Variants in CCDC134 observed in about 807,000 individuals in gnomAD.
CCDC134 encodes the protein coiled-coil domain containing 134.
In CCDC134, 27 loss-of-function variants were observed where a neutral mutation model predicts 25.6. That is an observed-to-expected ratio of 1.05 (90% CI 0.78 to 1.45). The LOEUF (loss-of-function observed/expected upper bound fraction) is 1.45. Ranked by LOEUF, CCDC134 falls within the 40% of genes most tolerant of loss-of-function variation. The pLI, the probability that CCDC134 is intolerant of heterozygous loss-of-function variation, is 0.00. For missense variants in CCDC134, 261 were observed against 286.7 expected (o/e 0.91, Z 0.65); for synonymous variants, 110 against 115.0 (o/e 0.96, Z 0.28).
intron 1 of CCDC134, among the ~76,000 whole-genome samples, chr22:41,807,378 T>G (rs559524972): frequency 6.6e-6 from 1 of 151,886 alleles, no homozygotes; most frequent in Non-Finnish European, 1.5e-5. Flanking sequence ...GCCTGGGCAA[T>G]GTAGCAAAAC....
At chr22:41,824,828 A>G (rs181949528) in intron 6 of CCDC134, among the ~76,000 whole-genome samples, 13 of 152,256 alleles carry the variant, frequency 8.5e-5, no homozygotes, top group Non-Finnish European at 1.9e-4. Context: ...ACCAAAGGGG[A>G]TGTGGAAAGC....
chr22:41,814,722 G>A (rs1009384919), intron 6 of CCDC134, among the ~76,000 whole-genome samples: 9 of 152,142 alleles, frequency 5.9e-5, no homozygotes, highest in Non-Finnish European at 1.2e-4. Context: ...AAGGGTCTAG[G>A]ATTTAATTCT....
intron 1 of CCDC134, among the ~76,000 whole-genome samples, chr22:41,806,042 A>G (rs2076565899): frequency 6.6e-6 from 1 of 152,100 alleles, no homozygotes; most frequent in African/African-American, 2.4e-5. Context: ...AAAATTCTTT[A>G]TTTAGTCCAT....
At position 41,825,148 on chromosome 22, in the gene CCDC134, C is replaced by T. The variant is rs1400369939; in HGVS notation, c.565-550C>T. Among the ~76,000 whole-genome samples, 1 of 152,044 alleles carries T rather than the reference C, an allele frequency of 6.6e-6. No individual in the cohort carries two copies. The highest frequency in any genetic ancestry group is 2.4e-5 in the African/African-American group (1 of 41,372). ...ATGGAGATGCAAGTTTGAGGGGTAACTAACCACACAGGCCAACAGAAGCTA... is the reference window on the plus strand; with the variant it reads ...ATGGAGATGCAAGTTTGAGGGGTAATTAACCACACAGGCCAACAGAAGCTA... On this transcript the variant is annotated intron_variant, in intron 6 of 6. Transcript: ENST00000255784. This position sits in a 1 kb window ranked among gnomAD's most constrained non-coding sequence, Gnocchi z 4.4.
intron 1 of CCDC134, among the ~76,000 whole-genome samples, chr22:41,803,555 C>A (rs1016387301): frequency 3.3e-5 from 5 of 152,048 alleles, no homozygotes; most frequent in African/African-American, 1.2e-4. Context: ...ATTGCTTGAA[C>A]CCAGGAGTTC....
At chr22:41,807,881 G>T (rs2076576084) in intron 1 of CCDC134, among the ~76,000 whole-genome samples, 1 of 152,048 alleles carries the variant, frequency 6.6e-6, no homozygotes, top group Non-Finnish European at 1.5e-5. Flanking sequence ...AATAAAAAGG[G>T]CCGGGCGCGG....
intron 6 of CCDC134, among the ~76,000 whole-genome samples, chr22:41,823,888 G>T (rs1215944811): frequency 6.6e-6 from 1 of 152,218 alleles, no homozygotes; most frequent in East Asian, 1.9e-4. Flanking sequence ...AGTGGCCCTG[G>T]CCAGGAATCG....
rs2076684247 is a variant in CCDC134 at position 41,827,231 on chromosome 22, G to A, written c.*1408G>A. ...AGCTGGAAGAGAGCTGGGTGTGGGGGCTGGGAGGAGTGCTGGAGAAATTTC... is the reference window on the plus strand; with the variant it reads ...AGCTGGAAGAGAGCTGGGTGTGGGGACTGGGAGGAGTGCTGGAGAAATTTC... On this transcript the variant is annotated 3_prime_UTR_variant, in exon 7 of 7. Coordinates refer to ENST00000255784, the MANE Select transcript of CCDC134 (RefSeq NM_024821.5). Among the ~76,000 whole-genome samples, 1 of 152,166 alleles carries A rather than the reference G, an allele frequency of 6.6e-6. No individual in the cohort carries two copies.
At position 41,825,007 on chromosome 22, in the gene CCDC134, C is replaced by T. The variant is rs2076669666; in HGVS notation, c.565-691C>T. Among the ~76,000 whole-genome samples, 1 of 151,978 alleles carries T rather than the reference C, an allele frequency of 6.6e-6. No individual in the cohort carries two copies. The highest frequency in any genetic ancestry group is 2.4e-5 in the African/African-American group (1 of 41,338). ...GAGGGAATGCCGGGTGCAGGTGGGGCTCCTCGGTTTCTGCCCTGCTGCTCA... is the reference window on the plus strand; with the variant it reads ...GAGGGAATGCCGGGTGCAGGTGGGGTTCCTCGGTTTCTGCCCTGCTGCTCA... On this transcript the variant is annotated intron_variant, in intron 6 of 6. Transcript: ENST00000255784. This position sits in a 1 kb window ranked among gnomAD's most constrained non-coding sequence, Gnocchi z 4.4.
rs1220229332 is a variant in CCDC134, at chr22:41,831,074, C to G, written c.*5251C>G. ...CTAATTTTTGTATTTTTAGTAGAGA[C>G]GGGGTTTCACCAAGCTGGCCAAGCT... On this transcript the variant is annotated 3_prime_UTR_variant, in exon 7 of 7. Transcript: ENST00000255784. The G allele has an allele frequency of 6.6e-6, 1 of 151,878 alleles. No individual in the cohort carries two copies. Among genetic ancestry groups the G allele is most frequent in the Non-Finnish European group, 1.5e-5 (1 of 68,004 alleles). 9.4% of individuals were successfully genotyped at this position (151,878 alleles called of 1,614,324 possible). A position where few individuals can be genotyped will look rare whatever the true frequency, so the allele number is the denominator to read the frequency against.
rs1381255893 is a variant in CCDC134, at chr22:41,826,969, G to T, written c.*1146G>T. Among the ~76,000 whole-genome samples the T allele has an allele frequency of 6.6e-6, 1 of 152,254 alleles. No individual in the cohort carries two copies. The highest frequency in any genetic ancestry group is 6.5e-5 in the Admixed American group (1 of 15,292). ...GACAGAGCACAAGTGAGATCTGAGT[G>T]TTAGCCCTTCAGATTTGCTGACTGG... On this transcript the variant is annotated 3_prime_UTR_variant, in exon 7 of 7. Transcript: ENST00000255784.
chr22:41,832,054 C>T lies in CCDC134; in HGVS notation c.*6231C>T, dbSNP rs574336274. ...AGCCTGTGTGTTCTTAATTATTGAT[C>T]ACTAAGCAACAGCTGCCTCTCACAA... is the stretch of plus-strand genomic sequence containing the variant. On this transcript the variant is annotated 3_prime_UTR_variant, in exon 7 of 7. Coordinates refer to ENST00000255784, the MANE Select transcript of CCDC134 (RefSeq NM_024821.5). The T allele has an allele frequency of 6.6e-6, 1 of 152,352 alleles. No homozygotes were observed. Among genetic ancestry groups the T allele is most frequent in the African/African-American group, 2.4e-5 (1 of 41,580 alleles). 9.4% of individuals were successfully genotyped at this position (152,352 alleles called of 1,614,324 possible). A position where few individuals can be genotyped will look rare whatever the true frequency, so the allele number is the denominator to read the frequency against.
chr22:41,824,166 A>C (rs1335225751), intron 6 of CCDC134, among the ~76,000 whole-genome samples: 1 of 152,178 alleles, frequency 6.6e-6, no homozygotes, highest in Non-Finnish European at 1.5e-5. Flanking sequence ...TGAAGGGAGC[A>C]CACCACCAGG....
intron 6 of CCDC134, among the ~76,000 whole-genome samples, chr22:41,814,910 G>A (rs1035786193): frequency 6.6e-6 from 1 of 152,156 alleles, no homozygotes; most frequent in African/African-American, 2.4e-5. Flanking sequence ...TGTGCATGCA[G>A]GGGGTGTGCA....
chr22:41,802,089 G>C (rs4239895), intron 1 of CCDC134, among the ~76,000 whole-genome samples: 98,503 of 152,016 alleles, frequency 0.65, 33,042 homozygotes, highest in African/African-American at 0.81. Context: ...TGCATTTTTT[G>C]TGATCTTGTT....
intron 1 of CCDC134, 123 bp downstream of exon 1, chr22:41,800,889 TGAG>T (rs1397546274): frequency 6.6e-6 from 1 of 152,134 alleles, no homozygotes; most frequent in Non-Finnish European, 1.5e-5. Flanking sequence ...CTCTGTTCCT[TGAG>T]AAGGCTCGCT....
chr22:41,809,826 G>A, intron 2 of CCDC134, 53 bp from the exon 3 acceptor site: 1 of 1,608,812 alleles, frequency 6.2e-7, no homozygotes, highest in Non-Finnish European at 8.5e-7. Context: ...CAAGACTGCT[G>A]GATTGTCCAG....
At chr22:41,810,716 G>T (rs1030107694) in intron 4 of CCDC134, among the ~76,000 whole-genome samples, 2 of 151,974 alleles carry the variant, frequency 1.3e-5, no homozygotes, top group African/African-American at 4.8e-5. Context: ...GGATGGTCTC[G>T]ATCTCTTGAC....
rs923435817 is a variant in CCDC134 at position 41,830,713 on chromosome 22, C to T, written c.*4890C>T. The stretch of plus-strand genomic sequence containing the variant: ...TTAGTTATACACGTTCATTATAAAA[C>T]GTAATTTAAGCAATACTGAAATGCC... On this transcript the variant is annotated 3_prime_UTR_variant, in exon 7 of 7. Transcript: ENST00000255784. 3.9e-5 allele frequency among the ~76,000 whole-genome samples: 6 copies of T among 152,076 alleles called. No individual in the cohort carries two copies. The highest frequency in any genetic ancestry group is 6.5e-5 in the Admixed American group (1 of 15,270).
Sources: gnomAD v4.1 joint callset for allele counts (sites outside exome capture counted in the v4.1 genomes callset) on GRCh38, gnomAD v4.1.1 for gene constraint, Gnocchi (gnomAD v3.1) non-coding constraint, MANE v1.5 for transcripts, NCBI Gene and HGNC (gene_info 2026-07-23, HGNC 2026-07-21) for gene names.